SLC7A2: variants seen among roughly 807,000 people sequenced by gnomAD.
SLC7A2 encodes cationic amino acid transporter 2.
SLC7A2 carries 48 observed loss-of-function variants against 58.9 expected under a neutral mutation model. That is an observed-to-expected ratio of 0.82 (90% CI 0.65 to 1.04). SLC7A2 has a LOEUF of 1.04. Among genes scored for constraint, SLC7A2 ranks in the 50% least tolerant of loss-of-function variants. The pLI is 0.00. For synonymous variants in SLC7A2, 363 were observed against 314.5 expected, an observed-to-expected ratio of 1.15 and a Z score of -1.63; for missense variants, 1,029 against 818.8, an observed-to-expected ratio of 1.26 and a Z score of -3.13.
Position 17,565,374 on chromosome 8 carries a change from C to T in SLC7A2, c.*228C>T, listed in dbSNP as rs576373070. 3.8e-6 allele frequency: 2 copies of T among 524,386 alleles called. No homozygotes were observed. The highest frequency in any genetic ancestry group is 3.2e-5 in the East Asian group (1 of 31,394). The allele number at this position is 524,386 out of a possible 1,614,324, so 32.5% of individuals were successfully genotyped here. On this transcript the variant is annotated 3_prime_UTR_variant, in exon 13 of 13. Transcript: ENST00000494857. Reference sequence around the variant, plus strand: ...TCATCAGTGATGAATAGCCCCCAAACAGTGGGAGTGTGTATGTATGTGTGT... The same window carrying T: ...TCATCAGTGATGAATAGCCCCCAAATAGTGGGAGTGTGTATGTATGTGTGT...
intron 2 of SLC7A2, among the ~76,000 whole-genome samples, chr8:17,507,981 A>G (rs1429399049): frequency 1.3e-5 from 2 of 152,234 alleles, no homozygotes; most frequent in Non-Finnish European, 2.9e-5. Context: ...ATGGGAAAAT[A>G]TAGTCTTAAT....
intron 2 of SLC7A2, among the ~76,000 whole-genome samples, chr8:17,519,884 G>A (rs2188022): frequency 0.61 from 92,982 of 151,950 alleles, 28,942 homozygotes; most frequent in Non-Finnish European, 0.64. Flanking sequence ...TCCAAGGAGA[G>A]CACCCTGCTT....
At chr8:17,529,623 C>T (rs1042251982) in intron 2 of SLC7A2, among the ~76,000 whole-genome samples, 2 of 151,638 alleles carry the variant, frequency 1.3e-5, no homozygotes, top group East Asian at 1.9e-4. Flanking sequence ...CTCTATCTAC[C>T]TCCTGGGTTC....
At chr8:17,542,448 C>G (rs1801952653) in intron 2 of SLC7A2, among the ~76,000 whole-genome samples, 1 of 152,114 alleles carries the variant, frequency 6.6e-6, no homozygotes, top group African/African-American at 2.4e-5. Context: ...CCCATGAATT[C>G]AAGACCAGCA....
chr8:17,500,807 C>G (rs1358666910), intron 1 of SLC7A2, among the ~76,000 whole-genome samples: 3,590 of 16,836 alleles, frequency 0.21, 144 homozygotes, highest in African/African-American at 0.3. Context: ...CATACACACA[C>G]ACACACACAC....
intron 2 of SLC7A2, among the ~76,000 whole-genome samples, chr8:17,503,078 T>A (rs774249498): frequency 6.6e-6 from 1 of 151,948 alleles, no homozygotes; most frequent in African/African-American, 2.4e-5. Context: ...TGAGACAGAG[T>A]CTCACTCTGT....
chr8:17,543,812 C>T, intron 3 of SLC7A2, 97 bp downstream of exon 3: 1 of 1,068,848 alleles, frequency 9.4e-7, no homozygotes, highest in Non-Finnish European at 1.3e-6. Flanking sequence ...GGGTACATCA[C>T]TTGATGTCTG....
chr8:17,543,940 C>G (rs1009559110), intron 3 of SLC7A2, among the ~76,000 whole-genome samples: 1 of 152,154 alleles, frequency 6.6e-6, no homozygotes, highest in Non-Finnish European at 1.5e-5. Context: ...GTGATCTCAG[C>G]TCGCTGCAAC....
At chr8:17,495,436 T>G (rs1194308392), upstream of SLC7A2, among the ~76,000 whole-genome samples, 1 of 152,216 alleles carries the variant, frequency 6.6e-6, no homozygotes, top group African/African-American at 2.4e-5. Flanking sequence ...ATAAGGAATC[T>G]TTTTTTGACT....
At chr8:17,548,578 T>C in intron 4 of SLC7A2, 100 bp from the exon 5 acceptor site, 1 of 810,310 alleles carries the variant, frequency 1.2e-6, no homozygotes, top group Non-Finnish European at 2.0e-6. Flanking sequence ...ATTAAAGACA[T>C]GAATGCTGGT....
At chr8:17,563,237 G>T (rs1435937215) in intron 11 of SLC7A2, among the ~76,000 whole-genome samples, 2 of 152,156 alleles carry the variant, frequency 1.3e-5, no homozygotes, top group Admixed American at 1.3e-4. Flanking sequence ...CCGTATACTG[G>T]CTTGGGTTTG....
At chr8:17,547,497 A>T (rs969721046) in intron 4 of SLC7A2, among the ~76,000 whole-genome samples, 1 of 152,312 alleles carries the variant, frequency 6.6e-6, no homozygotes, top group South Asian at 2.1e-4. Flanking sequence ...GAAAAAATAG[A>T]TACTTTAAAT....
At chr8:17,502,586 T>C (rs1800206447) in intron 2 of SLC7A2, among the ~76,000 whole-genome samples, 1 of 152,226 alleles carries the variant, frequency 6.6e-6, no homozygotes, top group Non-Finnish European at 1.5e-5. Context: ...ACTGATTCAC[T>C]TTCCAGGTTC....
Position 17,569,269 on chromosome 8 carries a change from C to T in SLC7A2, c.*4123C>T, listed in dbSNP as rs146187208. The T allele has an allele frequency of 2.3e-4, 35 of 152,248 alleles. No homozygotes were observed. Among genetic ancestry groups the T allele is most frequent in the East Asian group, 1.2e-3 (6 of 5,168 alleles). 9.4% of individuals were successfully genotyped at this position (152,248 alleles called of 1,614,324 possible). A position where few individuals can be genotyped will look rare whatever the true frequency, so the allele number is the denominator to read the frequency against. On this transcript the variant is annotated 3_prime_UTR_variant, in exon 13 of 13. Transcript: ENST00000494857. ...CTGTTACCACAAAAAATACAGTTTC[C>T]GCAGGGCTTTAAAGGATTGAGTTTA...
chr8:17,516,738 G>C (rs1335534204), intron 2 of SLC7A2, among the ~76,000 whole-genome samples: 3 of 152,166 alleles, frequency 2.0e-5, no homozygotes, highest in African/African-American at 7.2e-5. Context: ...ACCCCATCCA[G>C]TTGACTCTTC....
In SLC7A2 at chr8:17,569,995, TG is replaced by T. The variant is rs1250462394; in HGVS notation, c.*4852del. 2 of 152,188 alleles carry T rather than the reference TG, an allele frequency of 1.3e-5. No homozygotes were observed. The highest frequency in any genetic ancestry group is 2.9e-5 in the Non-Finnish European group (2 of 68,040). The allele number at this position is 152,188 out of a possible 1,614,324, so 9.4% of individuals were successfully genotyped here. ...GACTTCAAATGCAAGTAAGGTAGTTTGGGCTCCTTAATTCCAAACATCCCAT... is the reference window on the plus strand; with the variant it reads ...GACTTCAAATGCAAGTAAGGTAGTTTGGCTCCTTAATTCCAAACATCCCAT... On this transcript the variant is annotated 3_prime_UTR_variant, in exon 13 of 13. Coordinates refer to ENST00000494857, the MANE Select transcript of SLC7A2 (RefSeq NM_001370338.1).
chr8:17,538,927 G>C lies in SLC7A2; in HGVS notation c.-22-4391G>C, dbSNP rs746904741. 3.1e-6 allele frequency: 5 copies of C among 1,611,148 alleles called. No individual in the cohort carries two copies. The African/African-American group carries it at 6.7e-5, about 22-fold the overall frequency. ...TTGCGACAGCAAGTTTCTCCTGTAAGATTTATTGTCAGGGCCTGGGATACT... is the reference window on the plus strand; with the variant it reads ...TTGCGACAGCAAGTTTCTCCTGTAACATTTATTGTCAGGGCCTGGGATACT... On this transcript the variant is annotated intron_variant, in intron 2 of 12. Coordinates refer to ENST00000494857, the MANE Select transcript of SLC7A2 (RefSeq NM_001370338.1).
chr8:17,560,904 T>C (rs1429921532), intron 10 of SLC7A2, among the ~76,000 whole-genome samples: 7 of 152,198 alleles, frequency 4.6e-5, no homozygotes, highest in Non-Finnish European at 1.0e-4. Flanking sequence ...CTTGTTTGTT[T>C]ACCCACAGTT....
chr8:17,548,528 C>G, intron 4 of SLC7A2, 150 bp from the exon 5 acceptor site: 1 of 575,084 alleles, frequency 1.7e-6, no homozygotes, highest in African/African-American at 1.9e-5. Context: ...AGGTAATTAA[C>G]TAATGAGTAA....
Sources: gnomAD v4.1 joint callset for allele counts (sites outside exome capture counted in the v4.1 genomes callset) on GRCh38, gnomAD v4.1.1 for gene constraint, MANE v1.5 for transcripts, NCBI Gene and HGNC (gene_info 2026-07-23, HGNC 2026-07-21) for gene names.